The following USP3 variants were observed in gnomAD, a reference collection of about 807,000 sequenced individuals.
USP3 encodes ubiquitin carboxyl-terminal hydrolase 3.
Under a neutral mutation model 72.3 loss-of-function variants are expected in USP3, and 20 were observed. The ratio of observed to expected loss-of-function variants is 0.28; its 90% confidence interval spans 0.19 to 0.40. The LOEUF (loss-of-function observed/expected upper bound fraction) is 0.40. USP3 is among the 10% of genes least tolerant of loss of function. USP3 has a pLI of 1.00. For synonymous variants in USP3, 222 were observed against 225.3 expected (o/e 0.99, Z 0.13); for missense variants, 479 against 633.9 (o/e 0.76, Z 2.62).
At position 63,507,326 on chromosome 15, in the gene USP3, A is replaced by G. The variant is rs555273230; in HGVS notation, c.91+2496A>G. ...ATGCCACAACATTCTAGGTTCTACC[A>G]GTTAGCAGTACCTAATTGGACAAAT... On this transcript the variant is annotated intron_variant, in intron 1 of 14. Transcript: ENST00000380324. Among the ~76,000 whole-genome samples, 6 of 152,346 alleles carry G rather than the reference A, an allele frequency of 3.9e-5. No homozygotes were observed. The South Asian group carries it at 1.2e-3, about 32-fold the overall frequency.
At chr15:63,590,614 TTG>T in intron 14 of USP3, 45 bp from the exon 15 acceptor site, 2 of 1,472,988 alleles carry the variant, frequency 1.4e-6, no homozygotes, top group Non-Finnish European at 1.8e-6. Context: ...ACAGGTCTTT[TTG>T]TGATTTCTGA....
At chr15:63,537,299 T>G in intron 3 of USP3, 143 bp downstream of exon 3, 2 of 962,848 alleles carry the variant, frequency 2.1e-6, no homozygotes, top group South Asian at 5.5e-5. Flanking sequence ...ACTGGAGCCA[T>G]TGGGAACGCC....
intron 3 of USP3, among the ~76,000 whole-genome samples, chr15:63,539,685 T>C (rs2066214440): frequency 6.6e-6 from 1 of 152,230 alleles, no homozygotes; most frequent in African/African-American, 2.4e-5. Flanking sequence ...GGAGTCTTCT[T>C]GGCCGATTGC....
Position 63,528,486 on chromosome 15 carries a change from A to C in USP3, c.92-4161A>C, listed in dbSNP as rs2066018183. On this transcript the variant is annotated intron_variant, in intron 1 of 14. Transcript: ENST00000380324. This position sits in a 1 kb window ranked among gnomAD's most constrained non-coding sequence, Gnocchi z 4.3. ...AGCATTTAAGACTAAAAAAATAAAC[A>C]CTTTGGTTTAACATTTTTATGTTTT... Among the ~76,000 whole-genome samples, 1 of 150,590 alleles carries C rather than the reference A, an allele frequency of 6.6e-6. No individual in the cohort carries two copies. The highest frequency in any genetic ancestry group is 2.1e-4 in the South Asian group (1 of 4,828).
intron 8 of USP3, among the ~76,000 whole-genome samples, chr15:63,563,451 A>G (rs1451368343): frequency 1.3e-5 from 2 of 152,212 alleles, no homozygotes; most frequent in African/African-American, 4.8e-5. Context: ...GCTGTGGTCA[A>G]GCGCCTGGGA....
intron 11 of USP3, among the ~76,000 whole-genome samples, chr15:63,576,649 A>G (rs1430737572): frequency 6.6e-6 from 1 of 152,174 alleles, no homozygotes; most frequent in African/African-American, 2.4e-5. Flanking sequence ...TTGAAATCTG[A>G]TGTGACTGGT....
chr15:63,526,872 A>G (rs1232807935), intron 1 of USP3, among the ~76,000 whole-genome samples: 2 of 151,990 alleles, frequency 1.3e-5, no homozygotes, highest in Non-Finnish European at 2.9e-5. Flanking sequence ...TGTTTCATCT[A>G]ACTTTTGCCA....
intron 1 of USP3, among the ~76,000 whole-genome samples, chr15:63,508,758 C>A (rs921936361): frequency 6.6e-6 from 1 of 152,124 alleles, no homozygotes; most frequent in African/African-American, 2.4e-5. Context: ...AAGGACCAAG[C>A]ATTTGAACTT....
rs2066459969 is a variant in USP3 at position 63,553,150 on chromosome 15, T to C, written c.285-565T>C. ...TAGCCACTATTTTATACTTTTGTTTTGTAGTGCCTCAGAGTGAAAGAGCAT... is the reference window on the plus strand; with the variant it reads ...TAGCCACTATTTTATACTTTTGTTTCGTAGTGCCTCAGAGTGAAAGAGCAT... On this transcript the variant is annotated intron_variant, in intron 3 of 14. Transcript: ENST00000380324. The surrounding 1 kb of genome is among the most constrained non-coding windows in gnomAD (Gnocchi z 4.2). Among the ~76,000 whole-genome samples, 2 of 152,268 alleles carry C rather than the reference T, an allele frequency of 1.3e-5. No homozygotes were observed. Among genetic ancestry groups the C allele is most frequent in the Non-Finnish European group, 2.9e-5 (2 of 68,040 alleles).
rs1439967690 is a variant in USP3, at chr15:63,570,532, A to G, written c.861A>G (p.Ala287=). The change falls in exon 9 of 15, where the codon GCA becomes GCG. Residue 287 remains alanine, a synonymous_variant. Transcript: ENST00000380324. The surrounding 1 kb of genome is among the most constrained non-coding windows in gnomAD (Gnocchi z 4.4). ...QGGFNGVSRS[A]ILQENSTLSA... ...GTTTCAACGGTGTTTCCCGCTCAGC[A>G]ATTCTGCAGGAGAATTCTACTCTGT... The G allele has an allele frequency of 6.2e-7, 1 of 1,614,192 alleles. No individual in the cohort carries two copies. The highest frequency in any genetic ancestry group is 1.7e-5 in the Admixed American group (1 of 60,022).
At chr15:63,545,448 C>A (rs1266713222) in intron 3 of USP3, among the ~76,000 whole-genome samples, 1 of 152,080 alleles carries the variant, frequency 6.6e-6, no homozygotes, top group Non-Finnish European at 1.5e-5. Flanking sequence ...TCTTTACATA[C>A]CCAAGATGAT....
At chr15:63,566,887 C>G (rs1271509962) in intron 8 of USP3, among the ~76,000 whole-genome samples, 1 of 151,812 alleles carries the variant, frequency 6.6e-6, no homozygotes, top group Non-Finnish European at 1.5e-5. Flanking sequence ...GATATTTTGG[C>G]CAAAACAACA....
chr15:63,508,263 C>T (rs919836978), intron 1 of USP3, among the ~76,000 whole-genome samples: 2 of 152,152 alleles, frequency 1.3e-5, no homozygotes, highest in Non-Finnish European at 2.9e-5. Flanking sequence ...AGGATACCTG[C>T]TCATATCAAA....
chr15:63,556,351 C>CTTCT (rs982432862), intron 4 of USP3: 4 of 227,452 alleles, frequency 1.8e-5, no homozygotes, highest in Non-Finnish European at 3.4e-5. Context: ...AGGAATGAAC[C>CTTCT]TTCTGGTCTG....
intron 1 of USP3, among the ~76,000 whole-genome samples, chr15:63,509,132 C>T (rs746575890): frequency 2.6e-5 from 4 of 152,064 alleles, no homozygotes; most frequent in Non-Finnish European, 5.9e-5. Context: ...TATTTTGTAT[C>T]GTATTTCTCC....
In USP3 at chr15:63,591,935, A is replaced by ACAAGAGTCTCTCTCTGTTG. The variant is rs991002488; in HGVS notation, c.*1111_*1129dup. On this transcript the variant is annotated 3_prime_UTR_variant, in exon 15 of 15. Coordinates refer to ENST00000380324, the MANE Select transcript of USP3 (RefSeq NM_006537.4). ...TTTTGTTTTTTGGGGGTTTTTGGAG[A>ACAAGAGTCTCTCTCTGTTG]CAAGAGTCTCTCTCTGTTGCCCAGG... 2 of 152,178 alleles carry ACAAGAGTCTCTCTCTGTTG rather than the reference A, an allele frequency of 1.3e-5. No individual in the cohort carries two copies. The highest frequency in any genetic ancestry group is 4.8e-5 in the African/African-American group (2 of 41,378). 9.4% of individuals were successfully genotyped at this position (152,178 alleles called of 1,614,324 possible).
chr15:63,537,115 G>A lies in USP3; in HGVS notation c.243G>A (p.Gln81=), dbSNP rs567231691. Residue 81 remains glutamine, a synonymous_variant, in exon 3 of 15, where the codon CAG becomes CAA. Coordinates refer to ENST00000380324, the MANE Select transcript of USP3 (RefSeq NM_006537.4). ...AATCAGAAAAGCAAGATAAAGTTCA[G>A]CACACAGTATGTATGGATTGCAGTA... ...HKKSEKQDKV[Q]HTVCMDCSSY... 9.1e-5 allele frequency: 147 copies of A among 1,614,066 alleles called. 4 individuals are homozygous for A. In the South Asian group the frequency reaches 1.5e-3, roughly 17 times the overall value.
chr15:63,592,353 T>C lies in USP3; in HGVS notation c.*1527T>C, dbSNP rs2067218227. The stretch of plus-strand genomic sequence containing the variant: ...TGGTGGTTTTTTTTTTTTCTTTTTT[T>C]TGGTTGGGGGCGGTGGGGGTTGGTA... On this transcript the variant is annotated 3_prime_UTR_variant, in exon 15 of 15. Coordinates refer to ENST00000380324, the MANE Select transcript of USP3 (RefSeq NM_006537.4). The C allele has an allele frequency of 6.6e-6, 1 of 150,908 alleles. No homozygotes were observed. The highest frequency in any genetic ancestry group is 2.4e-5 in the African/African-American group (1 of 41,306). The allele number at this position is 150,908 out of a possible 1,614,324, so 9.3% of individuals were successfully genotyped here. A position where few individuals can be genotyped will look rare whatever the true frequency, so the allele number is the denominator to read the frequency against.
intron 5 of USP3, among the ~76,000 whole-genome samples, chr15:63,557,262 G>GTTTTTT (rs886503618): frequency 6.7e-6 from 1 of 149,978 alleles, no homozygotes. Flanking sequence ...TTTTGTTTTT[G>GTTTTTT]TTTTTGTTTT....
Sources: gnomAD v4.1 joint callset for allele counts (sites outside exome capture counted in the v4.1 genomes callset) on GRCh38, gnomAD v4.1.1 for gene constraint, Gnocchi (gnomAD v3.1) non-coding constraint, MANE v1.5 for transcripts, NCBI Gene and HGNC (gene_info 2026-07-23, HGNC 2026-07-21) for gene names.